Variants in OSBPL10 observed in about 807,000 individuals in gnomAD.
OSBPL10 encodes oxysterol-binding protein-related protein 10.
A neutral mutation model predicts 81.7 loss-of-function variants in OSBPL10; 49 were observed. The ratio of observed to expected loss-of-function variants is 0.60; its 90% CI spans 0.48 to 0.76. OSBPL10 has a LOEUF of 0.76. Among genes scored for constraint, OSBPL10 ranks in the 30% least tolerant of loss-of-function variants. OSBPL10 has a pLI of 0.00. For missense variants in OSBPL10, 923 were observed against 987.8 expected, an observed-to-expected ratio of 0.93 and a Z score of 0.88; for synonymous variants, 419 against 383.6, an observed-to-expected ratio of 1.09 and a Z score of -1.08.
At chr3:31,955,993 G>A (rs2125453380) in intron 1 of OSBPL10, among the ~76,000 whole-genome samples, 1 of 152,322 alleles carries the variant, frequency 6.6e-6, no homozygotes, top group African/African-American at 2.4e-5. Context: ...AGGCAGAAGT[G>A]GGTTATATCC....
At chr3:31,876,591 A>G in intron 2 of OSBPL10, 79 bp from the exon 3 acceptor site, 1 of 1,224,544 alleles carries the variant, frequency 8.2e-7, no homozygotes, top group Non-Finnish European at 1.2e-6. Context: ...ACACCCACCT[A>G]AGGGGGTGGG....
At chr3:32,028,683 A>T (rs1453372695) in intron 2 of OSBPL10, among the ~76,000 whole-genome samples, 1 of 152,262 alleles carries the variant, frequency 6.6e-6, no homozygotes, top group East Asian at 1.9e-4. Flanking sequence ...TCTGGTATCC[A>T]TAGACTCTCT....
chr3:31,761,471 CAAAAAAAAAAA>C (rs112468280), intron 4 of OSBPL10, among the ~76,000 whole-genome samples: 1 of 56,036 alleles, frequency 1.8e-5, no homozygotes, highest in African/African-American at 6.7e-5. Context: ...GACTCCATTT[CAAAAAAAAAAA>C]AAAAAAAGTT....
intron 2 of OSBPL10, among the ~76,000 whole-genome samples, chr3:32,027,112 G>T (rs1412481299): frequency 6.6e-6 from 1 of 151,840 alleles, no homozygotes; most frequent in African/African-American, 2.4e-5. Context: ...CACATACCAT[G>T]GTGGTTTGCT....
At chr3:31,896,043 CAT>C (rs1182560295) in intron 1 of OSBPL10, among the ~76,000 whole-genome samples, 17 of 152,182 alleles carry the variant, frequency 1.1e-4, no homozygotes, top group Admixed American at 7.2e-4. Context: ...GTATATTCTA[CAT>C]GTCTTAATTT....
chr3:31,888,963 A>G (rs1030380682), intron 1 of OSBPL10, among the ~76,000 whole-genome samples: 2 of 152,152 alleles, frequency 1.3e-5, no homozygotes, highest in Non-Finnish European at 2.9e-5. Flanking sequence ...TGCTTTAAAA[A>G]TAATCTGATT....
chr3:31,784,452 C>T (rs1036249174), intron 4 of OSBPL10, among the ~76,000 whole-genome samples: 1 of 152,088 alleles, frequency 6.6e-6, no homozygotes, highest in African/African-American at 2.4e-5. Context: ...CTCACTGGAA[C>T]CTTTGACCCC....
intron 1 of OSBPL10, among the ~76,000 whole-genome samples, chr3:31,913,543 C>T (rs546862060): frequency 8.6e-4 from 131 of 152,260 alleles, no homozygotes; most frequent in Middle Eastern, 3.4e-3. Context: ...CCACCACGCC[C>T]GGCCCAAGTA....
chr3:32,058,047 G>A (rs935686793), intron 1 of OSBPL10, among the ~76,000 whole-genome samples: 1 of 152,178 alleles, frequency 6.6e-6, no homozygotes, highest in African/African-American at 2.4e-5. Context: ...GAAGACCATT[G>A]ACATTGAAAA....
intron 1 of OSBPL10, among the ~76,000 whole-genome samples, chr3:31,945,165 A>C (rs900830821): frequency 1.3e-5 from 2 of 151,700 alleles, no homozygotes; most frequent in South Asian, 2.1e-4. Flanking sequence ...AAAAAAAAAA[A>C]AAAAACAGGA....
chr3:31,708,946 G>A, intron 6 of OSBPL10: 1 of 985,434 alleles, frequency 1.0e-6, no homozygotes, highest in Non-Finnish European at 1.2e-6. Flanking sequence ...CAGGGCGGCT[G>A]TTGAAGGCTC....
chr3:31,692,508 GA>G (rs1308014306), intron 7 of OSBPL10, among the ~76,000 whole-genome samples: 65 of 152,058 alleles, frequency 4.3e-4, no homozygotes, highest in African/African-American at 1.5e-3. Context: ...AAGCTAAAAT[GA>G]CTCACAATGC....
intron 1 of OSBPL10, among the ~76,000 whole-genome samples, chr3:31,964,528 C>T (rs562387836): frequency 6.6e-6 from 1 of 152,172 alleles, no homozygotes; most frequent in Non-Finnish European, 1.5e-5. Context: ...CTCATTAGAA[C>T]CAATATGTAT....
At chr3:31,965,493 T>G (rs1162042922) in intron 1 of OSBPL10, among the ~76,000 whole-genome samples, 1 of 95,404 alleles carries the variant, frequency 1.0e-5, no homozygotes, top group Non-Finnish European at 1.9e-5. Flanking sequence ...ATCTATTTTA[T>G]ATAATATATA....
intron 3 of OSBPL10, among the ~76,000 whole-genome samples, chr3:31,833,154 A>G (rs1280810517): frequency 6.6e-6 from 1 of 152,222 alleles, no homozygotes; most frequent in African/African-American, 2.4e-5. Context: ...TTGCCTAAGT[A>G]TTAAGAGTCC....
intron 2 of OSBPL10, among the ~76,000 whole-genome samples, chr3:32,003,961 C>A (rs1035937005): frequency 6.6e-6 from 1 of 152,116 alleles, no homozygotes; most frequent in Non-Finnish European, 1.5e-5. Flanking sequence ...AAAACAACAG[C>A]TGGATTTGGG....
At chr3:32,007,673 C>T (rs1251736700) in intron 2 of OSBPL10, among the ~76,000 whole-genome samples, 3 of 152,178 alleles carry the variant, frequency 2.0e-5, no homozygotes, top group South Asian at 2.1e-4. Flanking sequence ...CACACCCCCT[C>T]TCAATCATAC....
chr3:31,984,101 G>A (rs186357129), upstream of OSBPL10, among the ~76,000 whole-genome samples: 170 of 152,114 alleles, frequency 1.1e-3, 1 homozygote, highest in Non-Finnish European at 2.1e-3. Context: ...GTAGTGGCAC[G>A]ACCTCAGCTC....
chr3:32,038,927 TAA>T (rs1699545103), intron 2 of OSBPL10, among the ~76,000 whole-genome samples: 1 of 152,118 alleles, frequency 6.6e-6, no homozygotes, highest in South Asian at 2.1e-4. Context: ...TAAGGTGGAC[TAA>T]AAGACTGTTA....
Sources: allele counts gnomAD v4.1 joint callset (sites outside exome capture counted in the v4.1 genomes callset), GRCh38; gene constraint gnomAD v4.1.1; transcripts MANE v1.5; gene names NCBI Gene and HGNC (gene_info 2026-07-23, HGNC 2026-07-21).